MCM3: variants seen among roughly 807,000 people sequenced by gnomAD.
The protein encoded by MCM3 is minichromosome maintenance complex component 3, also known as DNA replication licensing factor MCM3.
Under a neutral mutation model 91.3 loss-of-function variants are expected in MCM3, and 59 were observed. The ratio of observed to expected loss-of-function variants is 0.65; its 90% confidence interval spans 0.52 to 0.80. The LOEUF (loss-of-function observed/expected upper bound fraction) is 0.80. Ranked by LOEUF, MCM3 falls within the 30% of genes least tolerant of loss-of-function variation. MCM3 has a pLI of 0.00. For synonymous variants in MCM3, 383 were observed against 379.6 expected (o/e 1.01, Z -0.10); for missense variants, 919 against 1,035.4 (o/e 0.89, Z 1.54).
intron 3 of MCM3, 101 bp downstream of exon 3, chr6:52,282,552 C>T: frequency 9.3e-7 from 1 of 1,069,948 alleles, no homozygotes; most frequent in Non-Finnish European, 1.4e-6. Context: ...CAATGCTCCA[C>T]CTCTTTGAAG....
intron 1 of MCM3, 93 bp downstream of exon 1, chr6:52,284,504 G>T (rs1368995096): frequency 8.7e-6 from 10 of 1,153,486 alleles, no homozygotes; most frequent in Non-Finnish European, 1.2e-5. Context: ...TGCGGCACAC[G>T]GTCTGGAGGT....
At position 52,266,137 on chromosome 6, in the gene MCM3, AGT is replaced by A; in HGVS notation, c.2164_2165del (p.Thr722SerfsTer19). On this transcript the variant is annotated frameshift_variant, in exon 16 of 17. Coordinates refer to ENST00000596288, the MANE Select transcript of MCM3 (RefSeq NM_002388.6). LOFTEE classifies it high-confidence loss of function. ...TCTCCTGTGAGTCTGCCGTCTTTGG[AGT>A]GTGTACTTCAGAGGGTTGATGGTTG... ...DTEEEMPQVH[T>X]PKTADSQETK... The A allele has an allele frequency of 6.2e-7, 1 of 1,613,760 alleles. No individual in the cohort carries two copies. The highest frequency in any genetic ancestry group is 8.5e-7 in the Non-Finnish European group (1 of 1,179,726).
In MCM3 at chr6:52,264,215, A is replaced by G. The variant is rs1255240611; in HGVS notation, c.*373T>C. 8.7e-6 allele frequency: 2 copies of G among 230,924 alleles called. No individual in the cohort carries two copies. Among genetic ancestry groups the G allele is most frequent in the African/African-American group, 5.2e-5 (2 of 38,378 alleles). The allele number at this position is 230,924 out of a possible 1,614,324, so 14.3% of individuals were successfully genotyped here. On this transcript the variant is annotated 3_prime_UTR_variant, in exon 17 of 17. Coordinates refer to ENST00000596288, the MANE Select transcript of MCM3 (RefSeq NM_002388.6). ...TAGTCTAGACCAAAGTGCTCTGGAG[A>G]AAAAAAACAAAACAAAAAAACAGCA...
At position 52,273,911 on chromosome 6, in the gene MCM3, G is replaced by A; in HGVS notation, c.1380C>T (p.Asp460=). ...TGTTCTCCATTGGAGTCTTATACTG[G>A]TCATACTGGGGAATGCGAGGACAAC... ...AAANPVYGRY[D]QYKTPMENIG... is the part of the protein sequence containing the mutation. The change falls in exon 10 of 17, where the codon GAC becomes GAT. Residue 460 remains aspartate (D), a synonymous_variant. Coordinates refer to ENST00000596288, the MANE Select transcript of MCM3 (RefSeq NM_002388.6). The A allele has an allele frequency of 6.2e-7, 1 of 1,609,440 alleles. No homozygotes were observed. Among genetic ancestry groups the A allele is most frequent in the Non-Finnish European group, 8.5e-7 (1 of 1,177,254 alleles).
At chr6:52,273,503 G>A (rs887607442) in intron 10 of MCM3, 147 bp from the exon 11 acceptor site, 1 of 873,092 alleles carries the variant, frequency 1.1e-6, no homozygotes, top group Non-Finnish European at 1.7e-6. Context: ...CACAAATAAA[G>A]ATAGTGGAAC....
At chr6:52,271,864 A>G (rs1033943382) in intron 12 of MCM3, among the ~76,000 whole-genome samples, 5 of 152,222 alleles carry the variant, frequency 3.3e-5, no homozygotes, top group African/African-American at 9.6e-5. Context: ...TCTATGCTCA[A>G]ATAGCCTTTC....
Position 52,282,838 on chromosome 6 carries a change from T to G in MCM3, c.215A>C (p.Glu72Ala). 1 of 1,613,806 alleles carries G rather than the reference T, an allele frequency of 6.2e-7. No homozygotes were observed. The change falls in exon 3 of 17, where the codon GAG (glutamate) becomes GCG (alanine). Residue 72 changes from glutamate to alanine, a missense_variant. By Grantham distance (107) the Glu-to-Ala change is moderately radical. Around this residue, in one of 3 missense-constraint regions of MCM3, gnomAD observed 401 missense variants for 402.7 expected, o/e 1.00. Coordinates refer to ENST00000596288, the MANE Select transcript of MCM3 (RefSeq NM_002388.6). ...TAAGGCCCGCTGGAAGGCAACCAGC[T>G]CCTCAAAGGCATTGTTCAGAAGCCT... Reference protein sequence around the residue: ...ANRLLNNAFEELVAFQRALKD... With the variant: ...ANRLLNNAFEALVAFQRALKD...
intron 12 of MCM3, among the ~76,000 whole-genome samples, chr6:52,271,987 A>G (rs546508644): frequency 3.9e-5 from 6 of 152,258 alleles, no homozygotes; most frequent in Middle Eastern, 3.4e-3. Context: ...CTTTGAAAAG[A>G]GTGTTTATTA....
intron 2 of MCM3, 33 bp downstream of exon 2, chr6:52,283,261 C>G (rs1449716292): frequency 1.9e-6 from 3 of 1,565,938 alleles, no homozygotes; most frequent in Non-Finnish European, 2.6e-6. Flanking sequence ...GAGCCATTCT[C>G]ACTGACAGCC....
At chr6:52,272,541 A>C (rs1765224795) in intron 11 of MCM3, 90 bp from the exon 12 acceptor site, 1 of 1,478,116 alleles carries the variant, frequency 6.8e-7, no homozygotes, top group Admixed American at 1.8e-5. Context: ...AGCCAGGGTC[A>C]AAACAAAGCC....
chr6:52,272,360 T>G lies in MCM3; in HGVS notation c.1768A>C (p.Ile590Leu), dbSNP rs17240063. The G allele has an allele frequency of 2.5e-4, 411 of 1,614,224 alleles. No homozygotes were observed. In the Admixed American group the frequency reaches 3.9e-3, roughly 15 times the overall value. The stretch of plus-strand genomic sequence containing the variant: ...CGCAGGCGTGAATACTCTTCTGCAA[T>G]GTAGGTGGCCGACTCCTGTGTCAGG... The part of the protein sequence containing the change: ...PVLTQESATY[I>L]AEEYSRLRSQ... Residue 590 changes from isoleucine (I) to leucine (L), a missense_variant, in exon 12 of 17, where the codon ATT becomes CTT. By Grantham distance (5) the Ile-to-Leu change is conservative. Coordinates refer to ENST00000596288, the MANE Select transcript of MCM3 (RefSeq NM_002388.6).
chr6:52,273,611 C>T, intron 10 of MCM3, 131 bp downstream of exon 10: 4 of 957,428 alleles, frequency 4.2e-6, no homozygotes, highest in South Asian at 1.7e-5. Flanking sequence ...GGGGAGGTGG[C>T]TAAACAGTTG....
At position 52,264,530 on chromosome 6, in the gene MCM3, G is replaced by A. The variant is rs1425406968; in HGVS notation, c.*58C>T. 2 of 1,578,964 alleles carry A rather than the reference G, an allele frequency of 1.3e-6. No individual in the cohort carries two copies. Among genetic ancestry groups the A allele is most frequent in the African/African-American group, 1.3e-5 (1 of 74,160 alleles). ...AGGCAAAGACTTGGGTCAGGGAGAG[G>A]GTGGGAAACACAGAACAAACTCTCT... On this transcript the variant is annotated 3_prime_UTR_variant, in exon 17 of 17. Transcript: ENST00000596288.
chr6:52,271,802 T>C (rs1765158593), intron 12 of MCM3, among the ~76,000 whole-genome samples: 1 of 152,232 alleles, frequency 6.6e-6, no homozygotes, highest in Non-Finnish European at 1.5e-5. Context: ...GAATCCTTCC[T>C]TGACATTCAT....
rs1374970541 is a variant in MCM3, at chr6:52,273,687, T to C, written c.1549+55A>G. 5 of 1,534,252 alleles carry C rather than the reference T, an allele frequency of 3.3e-6. No individual in the cohort carries two copies. The East Asian group carries it at 6.8e-5, about 21-fold the overall frequency. ...ACCACCTGGGTTGGGCCTGAGAAAC[T>C]ACCATCTGTTTAGCGCCTTTCCATT... On this transcript the variant is annotated intron_variant, in intron 10 of 16. Coordinates refer to ENST00000596288, the MANE Select transcript of MCM3 (RefSeq NM_002388.6).
Position 52,264,749 on chromosome 6 carries a change from G to C in MCM3, c.2266C>G (p.Arg756Gly). The C allele has an allele frequency of 6.2e-7, 1 of 1,614,094 alleles. No individual in the cohort carries two copies. Among genetic ancestry groups the C allele is most frequent in the Non-Finnish European group, 8.5e-7 (1 of 1,180,026 alleles). ...AFKVALLDVF[R>G]EAHAQSIGMN... ...CCGATTGACTGCGCATGAGCTTCCC[G>C]GAACACATCCAAGAGGGCCACCTTG... The change falls in exon 17 of 17, where the codon CGG becomes GGG. Residue 756 changes from arginine to glycine, a missense_variant. Transcript: ENST00000596288.
chr6:52,276,568 C>T (rs1166003939), intron 8 of MCM3, 92 bp from the exon 9 acceptor site: 2 of 1,117,402 alleles, frequency 1.8e-6, no homozygotes, highest in African/African-American at 1.5e-5. Context: ...GAATCTCTCA[C>T]TTTGCACGTG....
chr6:52,281,774 T>C (rs1005515867), intron 4 of MCM3, among the ~76,000 whole-genome samples: 1 of 152,112 alleles, frequency 6.6e-6, no homozygotes, highest in Non-Finnish European at 1.5e-5. Flanking sequence ...TTTGCAAATT[T>C]AGTGCACCAT....
chr6:52,273,262 A>G lies in MCM3; in HGVS notation c.1644T>C (p.His548=), dbSNP rs1444428995. 2 of 1,614,110 alleles carry G rather than the reference A, an allele frequency of 1.2e-6. No homozygotes were observed. The highest frequency in any genetic ancestry group is 1.7e-5 in the Admixed American group (1 of 60,010). ...TCTTGGTCCCATGTAGAAGGTTGTC[A>G]TGCTTCTCATAAATCTGGGTGTCCT... ...DQQDTQIYEK[H]DNLLHGTKKK... Residue 548 remains histidine (H), a synonymous_variant, in exon 11 of 17, where the codon CAT becomes CAC. Transcript: ENST00000596288.
Sources: gnomAD v4.1 joint callset for allele counts (sites outside exome capture counted in the v4.1 genomes callset) on GRCh38, gnomAD v4.1.1 for gene constraint, gnomAD v4.1.1 regional missense constraint, MANE v1.5 for transcripts, NCBI Gene and HGNC (gene_info 2026-07-23, HGNC 2026-07-21) for gene names.